OLFM2: variants seen among roughly 807,000 people sequenced by gnomAD.
The protein encoded by OLFM2 is noelin-2.
OLFM2 carries 20 observed loss-of-function variants against 43.9 expected under a neutral mutation model. The observed-to-expected ratio is 0.46, with a 90% CI of 0.32 to 0.66. The LOEUF (loss-of-function observed/expected upper bound fraction) is 0.66, where lower values mean the gene tolerates loss of function less well. OLFM2 is among the 30% of genes least tolerant of loss of function. OLFM2 has a pLI of 0.04. For missense variants in OLFM2, 416 were observed against 643.6 expected (o/e 0.65, Z 3.83); for synonymous variants, 268 against 278.6 (o/e 0.96, Z 0.38).
intron 1 of OLFM2, among the ~76,000 whole-genome samples, chr19:9,924,456 G>A (rs1037697309): frequency 1.4e-5 from 2 of 142,976 alleles, no homozygotes; most frequent in South Asian, 2.2e-4. Flanking sequence ...TGGAGGTCTC[G>A]CTCTGTCGCC....
At position 9,860,722 on chromosome 19, in the gene OLFM2, A is replaced by G; in HGVS notation, c.136T>C (p.Cys46Arg). The G allele has an allele frequency of 6.2e-7, 1 of 1,608,834 alleles. No homozygotes were observed. The highest frequency in any genetic ancestry group is 8.5e-7 in the Non-Finnish European group (1 of 1,177,778). Residue 46 changes from cysteine (C) to arginine (R), a missense_variant, in exon 2 of 6, where the codon TGC becomes CGC. Transcript: ENST00000264833. Reference sequence around the variant, plus strand: ...CTCTGCGCTGGGATCACGGCCGTGCAGATGCATTTCCCGTCAGGGGCCTGG... The same window carrying G: ...CTCTGCGCTGGGATCACGGCCGTGCGGATGCATTTCCCGTCAGGGGCCTGG... The part of the protein sequence containing the change: ...SAQAPDGKCI[C>R]TAVIPAQSTC...
At chr19:9,891,548 C>T (rs952129383) in intron 1 of OLFM2, among the ~76,000 whole-genome samples, 2 of 150,584 alleles carry the variant, frequency 1.3e-5, no homozygotes, top group African/African-American at 4.9e-5. Flanking sequence ...TTGCTTGAAC[C>T]GGGAGGCAGA....
At chr19:9,923,778 C>T (rs531252265) in intron 1 of OLFM2, among the ~76,000 whole-genome samples, 10 of 152,100 alleles carry the variant, frequency 6.6e-5, no homozygotes, top group African/African-American at 2.4e-4. Flanking sequence ...TTCAGGCATG[C>T]AGCACCACAC....
chr19:9,854,901 A>C lies in OLFM2; in HGVS notation c.688-38T>G. ...CCGCTGGTCACTGGGGGGAACCACCACCAACGACCCAAGGGTCCCAGCACC... is the reference window on the plus strand; with the variant it reads ...CCGCTGGTCACTGGGGGGAACCACCCCCAACGACCCAAGGGTCCCAGCACC... On this transcript the variant is annotated intron_variant, in intron 5 of 5. Transcript: ENST00000264833. The surrounding 1 kb of genome is among the most constrained non-coding windows in gnomAD (Gnocchi z 9.5). The C allele has an allele frequency of 6.7e-7, 1 of 1,485,748 alleles. No individual in the cohort carries two copies. Among genetic ancestry groups the C allele is most frequent in the Non-Finnish European group, 9.1e-7 (1 of 1,104,258 alleles). The allele number at this position is 1,485,748 out of a possible 1,614,324, so 92.0% of individuals were successfully genotyped here.
At chr19:9,896,541 T>C (rs925668582) in intron 1 of OLFM2, among the ~76,000 whole-genome samples, 1 of 152,160 alleles carries the variant, frequency 6.6e-6, no homozygotes, top group Non-Finnish European at 1.5e-5. Context: ...GGATTATAGG[T>C]GTGAGCCACC....
At chr19:9,900,811 A>G (rs911254419) in intron 1 of OLFM2, among the ~76,000 whole-genome samples, 1 of 149,760 alleles carries the variant, frequency 6.7e-6, no homozygotes, top group Non-Finnish European at 1.5e-5. Flanking sequence ...GGATGACTTG[A>G]GCCCAGGAGG....
intron 2 of OLFM2, among the ~76,000 whole-genome samples, chr19:9,859,905 GC>G (rs1303722439): frequency 6.6e-6 from 1 of 152,172 alleles, no homozygotes; most frequent in Non-Finnish European, 1.5e-5. Context: ...ACTTTGGGAG[GC>G]CAAGACAGGC....
intron 1 of OLFM2, among the ~76,000 whole-genome samples, chr19:9,874,185 C>T (rs1035590529): frequency 1.3e-5 from 2 of 152,172 alleles, no homozygotes; most frequent in Non-Finnish European, 2.9e-5. Context: ...GTTCCAGAAT[C>T]TAATGCAGGA....
chr19:9,873,833 T>G (rs4804117), intron 1 of OLFM2, among the ~76,000 whole-genome samples: 58,300 of 107,116 alleles, frequency 0.54, 14,675 homozygotes, highest in African/African-American at 0.63. Context: ...TTTTTTTTTG[T>G]AGAGACAGGA....
intron 1 of OLFM2, among the ~76,000 whole-genome samples, chr19:9,875,686 T>C (rs1319885374): frequency 2.0e-5 from 3 of 151,346 alleles, no homozygotes; most frequent in Non-Finnish European, 2.9e-5. Context: ...TTTTGTTTTT[T>C]GTTTGTTTTT....
At chr19:9,900,988 A>AAGGAAGGAAGGGAGGGAGGG (rs1401980050) in intron 1 of OLFM2, among the ~76,000 whole-genome samples, 113 of 28,376 alleles carry the variant, frequency 4.0e-3, no homozygotes, top group African/African-American at 0.014. Flanking sequence ...GGAAGGAAGG[A>AAGGAAGGAAGGGAGGGAGGG]AGGGAGGGAG....
chr19:9,899,987 C>T (rs1334670073), intron 1 of OLFM2, among the ~76,000 whole-genome samples: 5 of 152,072 alleles, frequency 3.3e-5, no homozygotes, highest in Non-Finnish European at 5.9e-5. Context: ...CCTTGTCTCA[C>T]GTGTCCCCCT....
intron 1 of OLFM2, among the ~76,000 whole-genome samples, chr19:9,901,167 G>A (rs775106248): frequency 6.8e-6 from 1 of 146,616 alleles, no homozygotes; most frequent in African/African-American, 2.5e-5. Context: ...AGAAAGAAAG[G>A]AAGGAAGGAA....
chr19:9,920,120 A>AT (rs1170921099), intron 1 of OLFM2, among the ~76,000 whole-genome samples: 8 of 151,990 alleles, frequency 5.3e-5, no homozygotes, highest in African/African-American at 1.9e-4. Flanking sequence ...CACCAAAAAA[A>AT]TTTTTTTAAG....
intron 1 of OLFM2, among the ~76,000 whole-genome samples, chr19:9,892,727 C>T (rs896505709): frequency 1.3e-5 from 2 of 152,118 alleles, no homozygotes; most frequent in Non-Finnish European, 2.9e-5. Context: ...TTCTCATCCC[C>T]TCATGAGTCC....
At chr19:9,926,156 T>A (rs116419275) in intron 1 of OLFM2, among the ~76,000 whole-genome samples, 11,951 of 146,618 alleles carry the variant, frequency 0.082, 1,461 homozygotes, top group African/African-American at 0.29. Context: ...GACTTTTTTT[T>A]AAAAAAAAGC....
chr19:9,854,612 G>T lies in OLFM2; in HGVS notation c.939C>A (p.Phe313Leu). The T allele has an allele frequency of 1.2e-6, 2 of 1,614,148 alleles. No individual in the cohort carries two copies. Among genetic ancestry groups the T allele is most frequent in the Non-Finnish European group, 1.7e-6 (2 of 1,180,032 alleles). Residue 313 changes from phenylalanine to leucine, a missense_variant, in exon 6 of 6, where the codon TTC (phenylalanine) becomes TTA (leucine). Transcript: ENST00000264833. The surrounding 1 kb of genome is among the most constrained non-coding windows in gnomAD (Gnocchi z 9.5). ...SLPGAGYNNT[F>L]PYSWGGFSDM... ...CGGAGAAGCCGCCCCAGGAGTAGGG[G>T]AAGGTGTTGTTGTAACCGGCGCCCG...
intron 1 of OLFM2, among the ~76,000 whole-genome samples, chr19:9,915,133 T>C (rs1171706122): frequency 6.6e-6 from 1 of 152,178 alleles, no homozygotes; most frequent in African/African-American, 2.4e-5. Context: ...TTGGTCATCC[T>C]GAGAATCAGG....
rs981913644 is a variant in OLFM2, at chr19:9,856,441, C to A, written c.687+366G>T. Among the ~76,000 whole-genome samples, 1 of 152,194 alleles carries A rather than the reference C, an allele frequency of 6.6e-6. No homozygotes were observed. The highest frequency in any genetic ancestry group is 6.5e-5 in the Admixed American group (1 of 15,280). ...TGTCTAAGTGATGGGCAGTCATGAC[C>A]ATGGAAGCTACTAGAAGTCCGAAGG... On this transcript the variant is annotated intron_variant, in intron 5 of 5. Transcript: ENST00000264833. This position sits in a 1 kb window ranked among gnomAD's most constrained non-coding sequence, Gnocchi z 4.0.
Sources: allele counts gnomAD v4.1 joint callset (sites outside exome capture counted in the v4.1 genomes callset), GRCh38; gene constraint gnomAD v4.1.1; non-coding constraint Gnocchi (gnomAD v3.1); transcripts MANE v1.5; gene names NCBI Gene and HGNC (gene_info 2026-07-23, HGNC 2026-07-21).